SLC4A5: variants seen among roughly 807,000 people sequenced by gnomAD.
SLC4A5 encodes electrogenic sodium bicarbonate cotransporter 4.
In SLC4A5, 96 loss-of-function variants were observed where a neutral mutation model predicts 120.4. That is an observed-to-expected ratio of 0.80 (90% CI 0.68 to 0.94). The LOEUF (loss-of-function observed/expected upper bound fraction) is 0.94, where lower values mean the gene tolerates loss of function less well. Ranked by LOEUF, SLC4A5 falls within the 40% of genes least tolerant of loss-of-function variation. SLC4A5 has a pLI of 0.00. For synonymous variants in SLC4A5, 550 were observed against 571.1 expected, an observed-to-expected ratio of 0.96 and a Z score of 0.53; for missense variants, 1,259 against 1,459.5, an observed-to-expected ratio of 0.86 and a Z score of 2.24.
chr2:74,339,013 G>A (rs1673563145), intron 2 of SLC4A5, 110 bp from the exon 3 acceptor site: 1 of 152,094 alleles, frequency 6.6e-6, no homozygotes, highest in Non-Finnish European at 1.5e-5. Context: ...TTTAACAAGG[G>A]CCTGGCACAT....
intron 21 of SLC4A5, among the ~76,000 whole-genome samples, chr2:74,236,365 A>G (rs1360744645): frequency 6.6e-6 from 1 of 152,124 alleles, no homozygotes; most frequent in Non-Finnish European, 1.5e-5. Flanking sequence ...AAGTGATAAT[A>G]ATTAAACATC....
At chr2:74,278,749 A>G (rs1671721470) in intron 8 of SLC4A5, among the ~76,000 whole-genome samples, 1 of 152,238 alleles carries the variant, frequency 6.6e-6, no homozygotes, top group Admixed American at 6.5e-5. Context: ...GGATAATGAC[A>G]AAGAGTATAA....
rs534951516 is a variant in SLC4A5 at position 74,254,041 on chromosome 2, T to G, written c.1113+578A>C. 3.3e-5 allele frequency among the ~76,000 whole-genome samples: 5 copies of G among 152,198 alleles called. No homozygotes were observed. In the South Asian group the frequency reaches 8.3e-4, roughly 25 times the overall value. On this transcript the variant is annotated intron_variant, in intron 14 of 30. Coordinates refer to ENST00000394019, the Ensembl canonical transcript of SLC4A5. Reference sequence around the variant, plus strand: ...TGAGACATTTCGTGGGGAAAAGTTATCTCAGGGTAAAGCCTGCAGCCGCAA... The same window carrying G: ...TGAGACATTTCGTGGGGAAAAGTTAGCTCAGGGTAAAGCCTGCAGCCGCAA...
rs1173397445 is a variant in SLC4A5 at position 74,319,430 on chromosome 2, T to C, written c.-2-4405A>G. ...GCTTTAGTAGCACATATACTAAAACTGGAATAATAAAAGATAAGCATGACC... is the reference window on the plus strand; with the variant it reads ...GCTTTAGTAGCACATATACTAAAACCGGAATAATAAAAGATAAGCATGACC... On this transcript the variant is annotated intron_variant, in intron 5 of 30. Coordinates refer to ENST00000394019, the Ensembl canonical transcript of SLC4A5. The C allele has an allele frequency of 2.6e-5, 4 of 152,112 alleles. No homozygotes were observed. In the East Asian group the frequency reaches 7.7e-4, roughly 29 times the overall value. 9.4% of individuals were successfully genotyped at this position (152,112 alleles called of 1,614,324 possible).
chr2:74,321,922 A>C (rs541977207), intron 5 of SLC4A5, among the ~76,000 whole-genome samples: 3 of 152,070 alleles, frequency 2.0e-5, no homozygotes, highest in East Asian at 3.9e-4. Flanking sequence ...ATTTAGGTGG[A>C]AGTCCATTGG....
At chr2:74,249,736 C>T (rs1670733734) in intron 17 of SLC4A5, among the ~76,000 whole-genome samples, 1 of 152,072 alleles carries the variant, frequency 6.6e-6, no homozygotes, top group Non-Finnish European at 1.5e-5. Context: ...GAGGGGCAGC[C>T]ATGGGGAATC....
At chr2:74,304,290 G>C (rs1476608322) in intron 7 of SLC4A5, among the ~76,000 whole-genome samples, 199 bp downstream of exon 7, 2 of 152,224 alleles carry the variant, frequency 1.3e-5, no homozygotes, top group Admixed American at 1.3e-4. Context: ...GAGAAAGACA[G>C]GGTGTCAGTC....
At chr2:74,328,430 T>C (rs1008827804) in intron 4 of SLC4A5, among the ~76,000 whole-genome samples, 1 of 152,232 alleles carries the variant, frequency 6.6e-6, no homozygotes, top group Non-Finnish European at 1.5e-5. Context: ...GAATTTTAAC[T>C]TGGTGATCTT....
chr2:74,243,454 T>C (rs1240290757), intron 19 of SLC4A5, among the ~76,000 whole-genome samples: 1 of 152,228 alleles, frequency 6.6e-6, no homozygotes, highest in Non-Finnish European at 1.5e-5. Flanking sequence ...CTAGAAGCTC[T>C]ACCAACCCAG....
rs906941652 is a variant in SLC4A5 at position 74,255,279 on chromosome 2, C to T, written c.1025+496G>A. On this transcript the variant is annotated intron_variant, in intron 13 of 30. Transcript: ENST00000394019. This position sits in a 1 kb window ranked among gnomAD's most constrained non-coding sequence, Gnocchi z 4.0. ...TCTCTCCTAGTTGTTGCCTCCTTCT[C>T]TTTTATTATTTATTATTTTTATTTT... is the stretch of plus-strand genomic sequence containing the variant. Among the ~76,000 whole-genome samples, 10 of 152,096 alleles carry T rather than the reference C, an allele frequency of 6.6e-5. No homozygotes were observed. The highest frequency in any genetic ancestry group is 2.2e-4 in the African/African-American group (9 of 41,420).
At chr2:74,228,685 A>G (rs1001546198) in intron 25 of SLC4A5, among the ~76,000 whole-genome samples, 2 of 151,430 alleles carry the variant, frequency 1.3e-5, no homozygotes, top group Non-Finnish European at 2.9e-5. Flanking sequence ...ACCAAAAAAA[A>G]ACAGAAATCA....
intron 4 of SLC4A5, among the ~76,000 whole-genome samples, chr2:74,328,740 T>G (rs540826152): frequency 6.6e-6 from 1 of 152,334 alleles, no homozygotes; most frequent in East Asian, 1.9e-4. Context: ...TTTAAGTTGT[T>G]AGAGCTTTGA....
intron 9 of SLC4A5, among the ~76,000 whole-genome samples, chr2:74,264,519 T>C (rs1258811015): frequency 6.6e-6 from 1 of 152,004 alleles, no homozygotes. Flanking sequence ...TGTGTGTGTG[T>C]GTCTGCTCTT....
intron 3 of SLC4A5, among the ~76,000 whole-genome samples, chr2:74,336,749 C>T (rs1402123905): frequency 2.6e-5 from 4 of 152,144 alleles, no homozygotes; most frequent in Non-Finnish European, 4.4e-5. Flanking sequence ...ATAGTTAAAA[C>T]AGGAAGCACA....
intron 4 of SLC4A5, among the ~76,000 whole-genome samples, chr2:74,330,842 T>C (rs1306263260): frequency 8.8e-6 from 1 of 113,378 alleles, no homozygotes. Flanking sequence ...TGGAGGTGTA[T>C]GGTGTAGGTG....
chr2:74,325,424 A>T (rs1031208913), intron 5 of SLC4A5, among the ~76,000 whole-genome samples: 5 of 152,178 alleles, frequency 3.3e-5, no homozygotes, highest in African/African-American at 1.2e-4. Flanking sequence ...ACAACTTGAG[A>T]GAAGCTCCCT....
intron 7 of SLC4A5, among the ~76,000 whole-genome samples, chr2:74,296,627 A>G (rs1672335936): frequency 6.7e-6 from 1 of 150,038 alleles, no homozygotes; most frequent in Admixed American, 6.6e-5. Context: ...AAAAAAAAAA[A>G]AAAAAAAAAA....
chr2:74,248,870 G>A (rs530326720), intron 17 of SLC4A5, among the ~76,000 whole-genome samples: 6 of 152,164 alleles, frequency 3.9e-5, no homozygotes, highest in East Asian at 1.9e-4. Flanking sequence ...TTCAAAGTCC[G>A]CTGAGTGTCT....
At chr2:74,287,035 CAT>C (rs1427383067) in intron 7 of SLC4A5, among the ~76,000 whole-genome samples, 4 of 152,104 alleles carry the variant, frequency 2.6e-5, no homozygotes, top group African/African-American at 9.7e-5. Flanking sequence ...TCTTCACACT[CAT>C]ATTGAAATTT....
Sources: gnomAD v4.1 joint callset for allele counts (sites outside exome capture counted in the v4.1 genomes callset) on GRCh38, gnomAD v4.1.1 for gene constraint, Gnocchi (gnomAD v3.1) non-coding constraint, MANE v1.5 for transcripts, NCBI Gene and HGNC (gene_info 2026-07-23, HGNC 2026-07-21) for gene names.